GUCY1A2: variants seen among roughly 807,000 people sequenced by gnomAD.
GUCY1A2 encodes the protein guanylate cyclase soluble subunit alpha-2.
GUCY1A2 carries 27 observed loss-of-function variants against 63.5 expected under a neutral mutation model. The ratio of observed to expected loss-of-function variants is 0.43; its 90% CI spans 0.31 to 0.59. GUCY1A2 has a LOEUF of 0.59. GUCY1A2 is among the 20% of genes least tolerant of loss of function. The probability of loss-of-function intolerance (pLI) is 0.11; values close to 1 mark genes in which losing one functional copy is unlikely to be tolerated. For synonymous variants in GUCY1A2, 364 were observed against 343.5 expected (o/e 1.06, Z -0.66); for missense variants, 768 against 913.3 (o/e 0.84, Z 2.05).
chr11:106,958,129 T>C (rs935417842), intron 3 of GUCY1A2, among the ~76,000 whole-genome samples: 5 of 152,234 alleles, frequency 3.3e-5, no homozygotes, highest in Non-Finnish European at 7.3e-5. Flanking sequence ...CTAATACTTC[T>C]ATACTTCTGG....
chr11:106,768,413 A>C (rs1471935), intron 6 of GUCY1A2, among the ~76,000 whole-genome samples: 144,335 of 152,226 alleles, frequency 0.95, 68,485 homozygotes, highest in East Asian at 1. Flanking sequence ...ATTTAAATTT[A>C]TTGAAGACTA....
intron 6 of GUCY1A2, among the ~76,000 whole-genome samples, chr11:106,750,174 A>T (rs1030345365): frequency 6.6e-6 from 1 of 152,108 alleles, no homozygotes; most frequent in African/African-American, 2.4e-5. Flanking sequence ...GCCAATGAAC[A>T]TGGAGTCTGG....
chr11:106,987,570 T>G (rs951420449), intron 1 of GUCY1A2, among the ~76,000 whole-genome samples: 13 of 150,484 alleles, frequency 8.6e-5, no homozygotes, highest in African/African-American at 2.9e-4. Flanking sequence ...AAGAATTGCT[T>G]GAACCCAGGA....
rs144757420 is a variant in GUCY1A2 at position 106,755,834 on chromosome 11, G to A, written c.1836+20605C>T. ...AGAATGTGTATTCTGTTGATTTGGG[G>A]TGGAGAGTTCTATAGATGCCTATTA... On this transcript the variant is annotated intron_variant, in intron 6 of 7. Transcript: ENST00000526355. Among the ~76,000 whole-genome samples the A allele has an allele frequency of 7.8e-3, 1,191 of 152,222 alleles. 14 individuals carry two copies. Among genetic ancestry groups the A allele is most frequent in the African/African-American group, 0.026 (1,099 of 41,514 alleles).
At chr11:106,700,010 C>A (rs1412046485) in intron 7 of GUCY1A2, among the ~76,000 whole-genome samples, 1 of 151,998 alleles carries the variant, frequency 6.6e-6, no homozygotes, top group East Asian at 1.9e-4. Flanking sequence ...GTCTCGATCT[C>A]CTGACTTCGT....
chr11:106,751,699 T>G (rs11211892), intron 6 of GUCY1A2, among the ~76,000 whole-genome samples: 16,329 of 152,158 alleles, frequency 0.11, 1,036 homozygotes, highest in African/African-American at 0.18. Context: ...CAATATTATA[T>G]TCCCCAAATG....
At chr11:106,945,835 A>T (rs1038704417) in intron 3 of GUCY1A2, among the ~76,000 whole-genome samples, 1 of 152,180 alleles carries the variant, frequency 6.6e-6, no homozygotes, top group African/African-American at 2.4e-5. Flanking sequence ...ATGGTGGCGC[A>T]TGCCTATAAT....
At chr11:107,012,918 A>G (rs1861767651) in intron 1 of GUCY1A2, among the ~76,000 whole-genome samples, 2 of 152,152 alleles carry the variant, frequency 1.3e-5, no homozygotes, top group Non-Finnish European at 2.9e-5. Flanking sequence ...TCTACATGTT[A>G]GTTACACACA....
chr11:106,826,886 C>A, intron 4 of GUCY1A2: 1 of 1,606,124 alleles, frequency 6.2e-7, no homozygotes. Context: ...AGGCCACCAT[C>A]TTCTCCTAGA....
At chr11:106,794,241 C>T (rs1024629714) in intron 5 of GUCY1A2, among the ~76,000 whole-genome samples, 1 of 151,992 alleles carries the variant, frequency 6.6e-6, no homozygotes, top group African/African-American at 2.4e-5. Context: ...AAGCCAGACA[C>T]AGAAAGATAA....
chr11:106,885,657 C>T (rs1209064249), intron 4 of GUCY1A2, among the ~76,000 whole-genome samples: 1 of 152,122 alleles, frequency 6.6e-6, no homozygotes, highest in African/African-American at 2.4e-5. Context: ...CATTTCCCCA[C>T]ATATAAAATA....
At chr11:106,785,322 CAA>C (rs1864537660) in intron 5 of GUCY1A2, among the ~76,000 whole-genome samples, 1 of 152,086 alleles carries the variant, frequency 6.6e-6, no homozygotes, top group Non-Finnish European at 1.5e-5. Flanking sequence ...GCAAACTAGG[CAA>C]AGTCTATCTC....
chr11:106,869,130 T>C (rs1465807595), intron 4 of GUCY1A2, among the ~76,000 whole-genome samples: 1 of 152,164 alleles, frequency 6.6e-6, no homozygotes, highest in African/African-American at 2.4e-5. Flanking sequence ...AAGACTTAAA[T>C]GTTAGACCTA....
At chr11:106,698,448 T>A (rs1862760891) in intron 7 of GUCY1A2, among the ~76,000 whole-genome samples, 1 of 152,080 alleles carries the variant, frequency 6.6e-6, no homozygotes, top group Non-Finnish European at 1.5e-5. Flanking sequence ...AATAATTTTT[T>A]AAATAAGCAT....
intron 6 of GUCY1A2, among the ~76,000 whole-genome samples, chr11:106,751,883 G>A (rs1863887922): frequency 6.6e-6 from 1 of 151,986 alleles, no homozygotes. Context: ...TCCATATTTT[G>A]CTGCAGAATT....
Position 106,709,523 on chromosome 11 carries a change from TAATA to T in GUCY1A2, c.1837-861_1837-858del, listed in dbSNP as rs1334590778. ...AATAATATATATTATTCTATAAATA[TAATA>T]ATAATATAATATATTATATTATTAT... is the stretch of plus-strand genomic sequence containing the variant. On this transcript the variant is annotated intron_variant, in intron 6 of 7. Coordinates refer to ENST00000526355, the MANE Select transcript of GUCY1A2 (RefSeq NM_000855.3). Among the ~76,000 whole-genome samples, 145 of 79,610 alleles carry T rather than the reference TAATA, an allele frequency of 1.8e-3. 1 individual carries two copies. Among genetic ancestry groups the T allele is most frequent in the African/African-American group, 5.9e-3 (124 of 20,972 alleles). 52.2% of individuals were successfully genotyped at this position (79,610 alleles called of 152,430 possible). A position where few individuals can be genotyped will look rare whatever the true frequency, so the allele number is the denominator to read the frequency against.
intron 4 of GUCY1A2, among the ~76,000 whole-genome samples, chr11:106,846,249 G>A (rs986723324): frequency 2.0e-5 from 3 of 151,658 alleles, no homozygotes; most frequent in Admixed American, 1.3e-4. Context: ...TTAATTTTGG[G>A]GGGTACTGTG....
chr11:106,771,742 A>G (rs1234150557), intron 6 of GUCY1A2, among the ~76,000 whole-genome samples: 1 of 149,504 alleles, frequency 6.7e-6, no homozygotes, highest in Non-Finnish European at 1.5e-5. Flanking sequence ...ACAGAGCAAG[A>G]CCCTGTGTCT....
In GUCY1A2 at chr11:107,018,016, G is replaced by A; in HGVS notation, c.40C>T (p.Leu14=). 6.8e-7 allele frequency: 1 copy of A among 1,476,638 alleles called. No homozygotes were observed. Among genetic ancestry groups the A allele is most frequent in the Non-Finnish European group, 9.1e-7 (1 of 1,103,002 alleles). 91.5% of individuals were successfully genotyped at this position (1,476,638 alleles called of 1,614,324 possible). Residue 14 remains leucine, a synonymous_variant, in exon 1 of 8, where the codon CTG becomes TTG. Coordinates refer to ENST00000526355, the MANE Select transcript of GUCY1A2 (RefSeq NM_000855.3). ...CTGGTCTCCAGGTAGTCGGAGCCCA[G>A]GGAGCTGAAGGACTCGGACGAAATC... ...RKISSESFSS[L]GSDYLETSPE...
Sources: allele counts gnomAD v4.1 joint callset (sites outside exome capture counted in the v4.1 genomes callset), GRCh38; gene constraint gnomAD v4.1.1; transcripts MANE v1.5; gene names NCBI Gene and HGNC (gene_info 2026-07-23, HGNC 2026-07-21).